The following ZNF609 variants were observed in gnomAD, a reference collection of about 807,000 sequenced individuals.
ZNF609 encodes zinc finger protein 609.
In ZNF609, 11 loss-of-function variants were observed where a neutral mutation model predicts 109.5. That is an observed-to-expected ratio of 0.10 (90% CI 0.06 to 0.17). The LOEUF (loss-of-function observed/expected upper bound fraction) is 0.17. Among genes scored for constraint, ZNF609 ranks in the 10% least tolerant of loss-of-function variants. The probability of loss-of-function intolerance (pLI) is 1.00; values close to 1 mark genes in which losing one functional copy is unlikely to be tolerated. For synonymous variants in ZNF609, 646 were observed against 662.0 expected, an observed-to-expected ratio of 0.98 and a Z score of 0.37; for missense variants, 1,559 against 1,772.4, an observed-to-expected ratio of 0.88 and a Z score of 2.16.
At chr15:64,564,990 G>C (rs2140407757) in intron 2 of ZNF609, among the ~76,000 whole-genome samples, 1 of 151,696 alleles carries the variant, frequency 6.6e-6, no homozygotes, top group South Asian at 2.1e-4. Flanking sequence ...TGGGACTACA[G>C]GTGCCTGCCA....
chr15:64,607,673 T>C (rs1895625836), intron 2 of ZNF609, among the ~76,000 whole-genome samples: 1 of 151,350 alleles, frequency 6.6e-6, no homozygotes, highest in African/African-American at 2.4e-5. Flanking sequence ...CCTGGCTAAT[T>C]TTTGTATTTT....
chr15:64,489,293 C>T (rs1255816050), intron 1 of ZNF609, among the ~76,000 whole-genome samples: 1 of 151,752 alleles, frequency 6.6e-6, no homozygotes. Context: ...TCAAGCAATT[C>T]TCCTGCCTCA....
intron 1 of ZNF609, among the ~76,000 whole-genome samples, chr15:64,496,232 A>C (rs1347754758): frequency 6.6e-6 from 1 of 152,240 alleles, no homozygotes; most frequent in Non-Finnish European, 1.5e-5. Context: ...AGTGAGCACT[A>C]ACATTTTTCT....
At chr15:64,623,436 T>G (rs1020049117) in intron 3 of ZNF609, among the ~76,000 whole-genome samples, 14 of 152,176 alleles carry the variant, frequency 9.2e-5, no homozygotes, top group Admixed American at 8.5e-4. Flanking sequence ...GGATGGAGAA[T>G]AGTCACTCTT....
chr15:64,538,204 G>A (rs533319393), intron 2 of ZNF609, among the ~76,000 whole-genome samples: 1 of 152,090 alleles, frequency 6.6e-6, no homozygotes, highest in Non-Finnish European at 1.5e-5. Context: ...AAAATTTTTA[G>A]ATGGGTTAGA....
chr15:64,480,762 TAAA>T lies in ZNF609; in HGVS notation c.-127-18528_-127-18526del, dbSNP rs571649564. 9.2e-5 allele frequency among the ~76,000 whole-genome samples: 14 copies of T among 152,270 alleles called. No homozygotes were observed. In the South Asian group the frequency reaches 2.9e-3, roughly 32 times the overall value. The stretch of plus-strand genomic sequence containing the variant: ...TGAAAGGTTTAAATCCTTGCTTAAA[TAAA>T]AATGTCAGTCCTAATCAGAATAATG... On this transcript the variant is annotated intron_variant, in intron 1 of 9. Coordinates refer to ENST00000326648, the MANE Select transcript of ZNF609 (RefSeq NM_015042.2).
chr15:64,652,762 G>A (rs1405613735), intron 3 of ZNF609: 1 of 152,182 alleles, frequency 6.6e-6, no homozygotes, highest in South Asian at 2.1e-4. Context: ...TCAACTCCTG[G>A]ACTCAAGCAG....
chr15:64,503,797 A>G (rs772341569), intron 2 of ZNF609, among the ~76,000 whole-genome samples: 1 of 152,198 alleles, frequency 6.6e-6, no homozygotes, highest in Non-Finnish European at 1.5e-5. Context: ...AATGCTGCAT[A>G]TATTTACCAC....
At chr15:64,561,798 T>G (rs919649708) in intron 2 of ZNF609, among the ~76,000 whole-genome samples, 12 of 152,146 alleles carry the variant, frequency 7.9e-5, no homozygotes, top group African/African-American at 2.9e-4. Context: ...TCCTGGCAAG[T>G]GTTAATGCTA....
At chr15:64,538,106 C>CAAAA (rs397941206) in intron 2 of ZNF609, among the ~76,000 whole-genome samples, 1 of 129,586 alleles carries the variant, frequency 7.7e-6, no homozygotes, top group South Asian at 2.4e-4. Context: ...AACTCCATCT[C>CAAAA]AAAAAAAAAA....
intron 2 of ZNF609, among the ~76,000 whole-genome samples, chr15:64,598,742 G>GTGTATATA (rs1477685716): frequency 3.0e-4 from 18 of 60,262 alleles, no homozygotes; most frequent in South Asian, 6.1e-4. Context: ...CTTTGTGTGT[G>GTGTATATA]TATATATATA....
chr15:64,622,654 A>G (rs1895893814), intron 2 of ZNF609, among the ~76,000 whole-genome samples, 173 bp from the exon 3 acceptor site: 2 of 152,196 alleles, frequency 1.3e-5, no homozygotes, highest in Non-Finnish European at 2.9e-5. Flanking sequence ...CATCTAAACC[A>G]CTAGATTTGT....
chr15:64,466,162 C>G (rs1031641306), intron 1 of ZNF609, among the ~76,000 whole-genome samples: 4 of 146,242 alleles, frequency 2.7e-5, no homozygotes, highest in Non-Finnish European at 4.5e-5. Flanking sequence ...TATAGCATTT[C>G]CTATAACTTG....
intron 2 of ZNF609, among the ~76,000 whole-genome samples, chr15:64,595,662 A>G (rs1310910758): frequency 1.3e-5 from 2 of 152,176 alleles, no homozygotes; most frequent in African/African-American, 4.8e-5. Flanking sequence ...CATGTCTTGA[A>G]GTTTGGAGAA....
At chr15:64,492,549 T>G (rs1466196986) in intron 1 of ZNF609, among the ~76,000 whole-genome samples, 1 of 152,218 alleles carries the variant, frequency 6.6e-6, no homozygotes, top group Non-Finnish European at 1.5e-5. Context: ...TTTTTATTTT[T>G]ATTTTTTAAA....
chr15:64,669,895 T>C (rs928368943), intron 3 of ZNF609, among the ~76,000 whole-genome samples: 3 of 152,170 alleles, frequency 2.0e-5, no homozygotes, highest in African/African-American at 7.2e-5. Flanking sequence ...CTTGAGCTCC[T>C]GGCTGCAAGT....
At chr15:64,521,494 C>G (rs1243807243) in intron 2 of ZNF609, among the ~76,000 whole-genome samples, 3 of 152,038 alleles carry the variant, frequency 2.0e-5, no homozygotes, top group Non-Finnish European at 2.9e-5. Flanking sequence ...TCCTCCCTGT[C>G]CTTCCCTTAG....
chr15:64,572,437 T>G (rs771966781), intron 2 of ZNF609, among the ~76,000 whole-genome samples: 1 of 151,986 alleles, frequency 6.6e-6, no homozygotes, highest in Non-Finnish European at 1.5e-5. Flanking sequence ...ATCCCTGTTT[T>G]ATTTTCTCCA....
At chr15:64,598,788 C>G (rs1039704115) in intron 2 of ZNF609, among the ~76,000 whole-genome samples, 1 of 65,628 alleles carries the variant, frequency 1.5e-5, no homozygotes, top group African/African-American at 5.6e-5. Flanking sequence ...ATATATATAT[C>G]CTGTTATCTT....
Sources: gnomAD v4.1 joint callset for allele counts (sites outside exome capture counted in the v4.1 genomes callset) on GRCh38, gnomAD v4.1.1 for gene constraint, MANE v1.5 for transcripts, NCBI Gene and HGNC (gene_info 2026-07-23, HGNC 2026-07-21) for gene names.